The following PSTK variants were observed in gnomAD, a reference collection of about 807,000 sequenced individuals.
The protein encoded by PSTK is phosphoseryl-tRNA kinase, also known as L-seryl-tRNA(Sec) kinase.
A neutral mutation model predicts 38.6 loss-of-function variants in PSTK; 26 were observed. The ratio of observed to expected loss-of-function variants is 0.67; its 90% confidence interval spans 0.49 to 0.94. The LOEUF (loss-of-function observed/expected upper bound fraction) is 0.94. Ranked by LOEUF, PSTK falls within the 40% of genes least tolerant of loss-of-function variation. The probability of loss-of-function intolerance (pLI) is 0.00; values close to 1 mark genes in which losing one functional copy is unlikely to be tolerated. For missense variants in PSTK, 445 were observed against 436.3 expected, an observed-to-expected ratio of 1.02 and a Z score of -0.18; for synonymous variants, 181 against 161.7, an observed-to-expected ratio of 1.12 and a Z score of -0.91.
intron 1 of PSTK, among the ~76,000 whole-genome samples, chr10:122,981,445 A>C (rs552247072): frequency 3.2e-4 from 49 of 152,342 alleles, no homozygotes; most frequent in African/African-American, 1.2e-3. Flanking sequence ...AAGCATGTGG[A>C]AACTGAGACC....
In PSTK at chr10:122,980,408, C is replaced by G. The variant is rs1042034556; in HGVS notation, c.-72C>G. On this transcript the variant is annotated 5_prime_UTR_variant, in exon 1 of 6. Transcript: ENST00000406217. This position sits in a 1 kb window ranked among gnomAD's most constrained non-coding sequence, Gnocchi z 4.3. ...ACTGCGCCGGTAGGCGGCGGAGACGCTGCGCGTGCGCGCAGGGCAGACGGT... is the reference window on the plus strand; with the variant it reads ...ACTGCGCCGGTAGGCGGCGGAGACGGTGCGCGTGCGCGCAGGGCAGACGGT... The G allele has an allele frequency of 2.1e-6, 3 of 1,421,696 alleles. No homozygotes were observed. The highest frequency in any genetic ancestry group is 1.8e-6 in the Non-Finnish European group (2 of 1,081,688). The allele number at this position is 1,421,696 out of a possible 1,614,324, so 88.1% of individuals were successfully genotyped here.
Position 122,980,811 on chromosome 10 carries a change from G to T in PSTK, c.216+116G>T, listed in dbSNP as rs1419103574. Reference sequence around the variant, plus strand: ...GATTTGCCATGAGCGCCCATTGCTTGGTGTGGGAGGTGAAGTTCGAGAAAA... The same window carrying T: ...GATTTGCCATGAGCGCCCATTGCTTTGTGTGGGAGGTGAAGTTCGAGAAAA... On this transcript the variant is annotated intron_variant, in intron 1 of 5. Coordinates refer to ENST00000406217, the MANE Select transcript of PSTK (RefSeq NM_001363531.2). The surrounding 1 kb of genome is among the most constrained non-coding windows in gnomAD (Gnocchi z 4.3). 2 of 1,288,750 alleles carry T rather than the reference G, an allele frequency of 1.6e-6. No individual in the cohort carries two copies. Among genetic ancestry groups the T allele is most frequent in the Middle Eastern group, 2.9e-4 (1 of 3,434 alleles). 79.8% of individuals were successfully genotyped at this position (1,288,750 alleles called of 1,614,324 possible).
At position 122,986,948 on chromosome 10, in the gene PSTK, T is replaced by A. The variant is rs368189743; in HGVS notation, c.863T>A (p.Met288Lys). The A allele has an allele frequency of 6.2e-7, 1 of 1,609,258 alleles. No individual in the cohort carries two copies. Among genetic ancestry groups the A allele is most frequent in the South Asian group, 1.1e-5 (1 of 90,860 alleles). ...CTCCGAAGGATTGTATCTCAGACAA[T>A]GAAGGAAGCAAAAGGTATGATGTGT... ...QTLRRIVSQT[M>K]KEAKDEQVLP... is the part of the protein sequence containing the mutation. The change falls in exon 5 of 6, where the codon ATG (methionine) becomes AAG (lysine). Residue 288 changes from methionine to lysine, a missense_variant. Transcript: ENST00000406217.
At chr10:122,981,899 G>A (rs944952000) in intron 1 of PSTK, 2 of 152,164 alleles carry the variant, frequency 1.3e-5, no homozygotes, top group South Asian at 4.2e-4. Context: ...AGTGATATGT[G>A]TTTCCAATTT....
rs1418981999 is a variant in PSTK at position 122,982,950 on chromosome 10, C to G, written c.434C>G (p.Pro145Arg). ...YLLTKTAVSR[P>R]LFLVLDDNFY... is the part of the protein sequence containing the mutation. ...TTAACAAAAACTGCTGTTTCTAGAC[C>G]TTTGTTTTTGGTTTTGGATGACAAT... Residue 145 changes from proline (P) to arginine (R), a missense_variant, in exon 2 of 6, where the codon CCT (proline) becomes CGT (arginine). Transcript: ENST00000406217. 2 of 1,614,044 alleles carry G rather than the reference C, an allele frequency of 1.2e-6. No individual in the cohort carries two copies. The highest frequency in any genetic ancestry group is 2.7e-5 in the African/African-American group (2 of 75,002).
chr10:122,990,055 A>G (rs1849108889), intron 5 of PSTK, 119 bp from the exon 6 acceptor site: 2 of 659,844 alleles, frequency 3.0e-6, no homozygotes, highest in South Asian at 2.2e-5. Flanking sequence ...CACTAACTCA[A>G]TTGTGATTGT....
In PSTK at chr10:122,982,931, A is replaced by C. The variant is rs1435058113; in HGVS notation, c.415A>C (p.Lys139Gln). 4 of 1,614,102 alleles carry C rather than the reference A, an allele frequency of 2.5e-6. No homozygotes were observed. Among genetic ancestry groups the C allele is most frequent in the Non-Finnish European group, 3.4e-6 (4 of 1,180,040 alleles). The change falls in exon 2 of 6, where the codon AAA (lysine) becomes CAA (glutamine). Residue 139 changes from lysine to glutamine, a missense_variant. Transcript: ENST00000406217. ...GGCCCAGTCTTGCTACCTCTTAACA[A>C]AAACTGCTGTTTCTAGACCTTTGTT... ...FEAQSCYLLT[K>Q]TAVSRPLFLV...
Position 122,986,935 on chromosome 10 carries a change from G to A in PSTK, c.850G>A (p.Val284Ile), listed in dbSNP as rs1214012492. ...AACTGATCAGACACTCCGAAGGATT[G>A]TATCTCAGACAATGAAGGAAGCAAA... ...HKTDQTLRRI[V>I]SQTMKEAKDE... The change falls in exon 5 of 6, where the codon GTA (valine) becomes ATA (isoleucine). Residue 284 changes from valine to isoleucine, a missense_variant. By Grantham distance (29) the Val-to-Ile change is conservative (BLOSUM62 3). Coordinates refer to ENST00000406217, the MANE Select transcript of PSTK (RefSeq NM_001363531.2). The A allele has an allele frequency of 6.2e-7, 1 of 1,612,272 alleles. No individual in the cohort carries two copies. The highest frequency in any genetic ancestry group is 8.5e-7 in the Non-Finnish European group (1 of 1,178,482).
intron 5 of PSTK, 82 bp downstream of exon 5, chr10:122,987,044 T>C: frequency 1.0e-6 from 1 of 990,896 alleles, no homozygotes; most frequent in Non-Finnish European, 1.6e-6. Context: ...CAGAGTTTAT[T>C]AGTTTTCAGT....
intron 5 of PSTK, among the ~76,000 whole-genome samples, chr10:122,987,759 C>G (rs1849056515): frequency 6.6e-6 from 1 of 152,190 alleles, no homozygotes; most frequent in Admixed American, 6.5e-5. Context: ...CTAATCTTCA[C>G]AGTCCTATAA....
In PSTK at chr10:122,980,405, A is replaced by G; in HGVS notation, c.-75A>G. On this transcript the variant is annotated 5_prime_UTR_variant, in exon 1 of 6. Coordinates refer to ENST00000406217, the MANE Select transcript of PSTK (RefSeq NM_001363531.2). This position sits in a 1 kb window ranked among gnomAD's most constrained non-coding sequence, Gnocchi z 4.3. The stretch of plus-strand genomic sequence containing the variant: ...TCCACTGCGCCGGTAGGCGGCGGAG[A>G]CGCTGCGCGTGCGCGCAGGGCAGAC... 1 of 1,392,964 alleles carries G rather than the reference A, an allele frequency of 7.2e-7. No homozygotes were observed. Among genetic ancestry groups the G allele is most frequent in the Non-Finnish European group, 9.4e-7 (1 of 1,059,504 alleles). The allele number at this position is 1,392,964 out of a possible 1,614,324, so 86.3% of individuals were successfully genotyped here. A position where few individuals can be genotyped will look rare whatever the true frequency, so the allele number is the denominator to read the frequency against.
chr10:122,982,658 C>A, intron 1 of PSTK, 75 bp from the exon 2 acceptor site: 2 of 1,252,022 alleles, frequency 1.6e-6, no homozygotes, highest in Middle Eastern at 2.0e-4. Context: ...TCATATGGGG[C>A]AGGGTGGCAG....
intron 5 of PSTK, among the ~76,000 whole-genome samples, chr10:122,988,171 A>G (rs1849060922): frequency 6.6e-6 from 1 of 152,194 alleles, no homozygotes; most frequent in Non-Finnish European, 1.5e-5. Flanking sequence ...TTAATGGGTA[A>G]CATTAATAAG....
chr10:122,987,444 G>A (rs1054354010), intron 5 of PSTK: 10 of 1,614,030 alleles, frequency 6.2e-6, no homozygotes, highest in African/African-American at 4.0e-5. Context: ...GTGCAGAAGC[G>A]CAAAGGTTGG....
Position 122,980,526 on chromosome 10 carries a change from G to A in PSTK, c.47G>A (p.Arg16Gln), listed in dbSNP as rs1015592391. The change falls in exon 1 of 6, where the codon CGG becomes CAG. Residue 16 changes from arginine to glutamine, a missense_variant. Transcript: ENST00000406217. The surrounding 1 kb of genome is among the most constrained non-coding windows in gnomAD (Gnocchi z 4.3). ...NIRGTGSDGP[R>Q]KRGLCVLCGL... Reference sequence around the variant, plus strand: ...AGAGGAACCGGCAGCGACGGGCCGCGGAAACGAGGCCTCTGCGTCCTCTGT... The same window carrying A: ...AGAGGAACCGGCAGCGACGGGCCGCAGAAACGAGGCCTCTGCGTCCTCTGT... 2 of 1,609,592 alleles carry A rather than the reference G, an allele frequency of 1.2e-6. No individual in the cohort carries two copies. Among genetic ancestry groups the A allele is most frequent in the Middle Eastern group, 1.7e-4 (1 of 6,042 alleles).
At chr10:122,987,206 C>T (rs373641367) in intron 5 of PSTK, 73 of 1,310,194 alleles carry the variant, frequency 5.6e-5, no homozygotes, top group South Asian at 3.0e-4. Context: ...GCTGGGGAAT[C>T]GGCAGGGAGC....
intron 5 of PSTK, among the ~76,000 whole-genome samples, chr10:122,989,852 T>A (rs943409100): frequency 2.6e-5 from 4 of 152,392 alleles, no homozygotes; most frequent in Non-Finnish European, 5.9e-5. Context: ...CATCTATTTC[T>A]GCTTTTTTGC....
Position 122,983,477 on chromosome 10 carries a change from C to T in PSTK, c.707+7C>T, listed in dbSNP as rs1848995162. ...CATGTGCTTCGGAGGCCAGGTATTC[C>T]ACTCAATCATCCCTCCCTGGATGCT... On this transcript the variant is annotated splice_region_variant and intron_variant, in intron 3 of 5. Transcript: ENST00000406217. 6.2e-7 allele frequency: 1 copy of T among 1,611,406 alleles called. No individual in the cohort carries two copies. Among genetic ancestry groups the T allele is most frequent in the Non-Finnish European group, 8.5e-7 (1 of 1,179,314 alleles).
chr10:122,989,181 G>GGGGCGGGGGGT (rs1235322056), intron 5 of PSTK, among the ~76,000 whole-genome samples: 1 of 134,470 alleles, frequency 7.4e-6, no homozygotes, highest in Non-Finnish European at 1.6e-5. Context: ...TTAGAGATGG[G>GGGGCGGGGGGT]GGGCGGGGGG....
Sources: allele counts gnomAD v4.1 joint callset (sites outside exome capture counted in the v4.1 genomes callset), GRCh38; gene constraint gnomAD v4.1.1; non-coding constraint Gnocchi (gnomAD v3.1); transcripts MANE v1.5; gene names NCBI Gene and HGNC (gene_info 2026-07-23, HGNC 2026-07-21).